ZCCHC17: variants seen among roughly 807,000 people sequenced by gnomAD.
The protein encoded by ZCCHC17 is zinc finger CCHC domain-containing protein 17.
In ZCCHC17, 18 loss-of-function variants were observed where a neutral mutation model predicts 30.6. That is an observed-to-expected ratio of 0.59 (90% CI 0.41 to 0.87). The LOEUF is 0.87. Among genes scored for constraint, ZCCHC17 ranks in the 40% least tolerant of loss-of-function variants. ZCCHC17 has a pLI of 0.00. For synonymous variants in ZCCHC17, 88 were observed against 92.4 expected (o/e 0.95, Z 0.27); for missense variants, 263 against 284.2 (o/e 0.93, Z 0.54).
chr1:31,313,068 C>CTTTTTTT (rs59004055), intron 2 of ZCCHC17, among the ~76,000 whole-genome samples: 8 of 113,488 alleles, frequency 7.0e-5, no homozygotes, highest in African/African-American at 1.0e-4. Context: ...CACTGGGCCT[C>CTTTTTTT]TTTTTTTTTT....
intron 7 of ZCCHC17, among the ~76,000 whole-genome samples, chr1:31,360,767 T>C (rs371636199): frequency 5.9e-5 from 9 of 152,224 alleles, no homozygotes; most frequent in African/African-American, 1.9e-4. Flanking sequence ...TTATAAAGTA[T>C]AGTGGTTTTG....
At chr1:31,319,270 ATTCCT>A in intron 3 of ZCCHC17, 104 bp downstream of exon 3, 1 of 976,498 alleles carries the variant, frequency 1.0e-6, no homozygotes, top group Non-Finnish European at 1.5e-6. Flanking sequence ...GTAGTTTTTC[ATTCCT>A]TTGTTTTCTT....
At chr1:31,356,121 AAC>A (rs1001866331) in intron 7 of ZCCHC17, among the ~76,000 whole-genome samples, 4 of 152,258 alleles carry the variant, frequency 2.6e-5, no homozygotes, top group African/African-American at 9.6e-5. Context: ...ATGCATTTCT[AAC>A]AGTTAAAAAA....
intron 3 of ZCCHC17, among the ~76,000 whole-genome samples, chr1:31,331,831 C>T (rs533307494): frequency 1.3e-5 from 2 of 151,362 alleles, no homozygotes; most frequent in African/African-American, 2.4e-5. Context: ...AGGATGCTCT[C>T]GATCTCTTGA....
At chr1:31,328,605 C>T (rs1351662635) in intron 3 of ZCCHC17, among the ~76,000 whole-genome samples, 3 of 152,058 alleles carry the variant, frequency 2.0e-5, no homozygotes, top group African/African-American at 4.8e-5. Flanking sequence ...TATTCTTTGC[C>T]AGTTTATTAT....
intron 1 of ZCCHC17, among the ~76,000 whole-genome samples, chr1:31,298,553 T>G (rs1291273274): frequency 6.6e-6 from 1 of 152,024 alleles, no homozygotes; most frequent in East Asian, 1.9e-4. Flanking sequence ...CCCGGCCAAT[T>G]TTTGTATTTT....
intron 1 of ZCCHC17, among the ~76,000 whole-genome samples, chr1:31,299,017 A>T (rs192654957): frequency 7.6e-4 from 116 of 152,330 alleles, no homozygotes; most frequent in African/African-American, 2.7e-3. Flanking sequence ...ATTGAAAAAC[A>T]TATTTTGGCT....
chr1:31,359,643 A>G lies in ZCCHC17; in HGVS notation c.565-4389A>G, dbSNP rs192076084. Among the ~76,000 whole-genome samples, 9 of 152,232 alleles carry G rather than the reference A, an allele frequency of 5.9e-5. No individual in the cohort carries two copies. In the East Asian group the frequency reaches 1.7e-3, roughly 29 times the overall value. On this transcript the variant is annotated intron_variant, in intron 7 of 7. Coordinates refer to ENST00000344147, the MANE Select transcript of ZCCHC17 (RefSeq NM_016505.4). ...TTTTCTGTCACACTGGGCTGCTGCT[A>G]TCCTGTTTCAGAACTATAGTGAAAA...
At chr1:31,320,804 T>G (rs1270917950) in intron 3 of ZCCHC17, among the ~76,000 whole-genome samples, 1 of 152,126 alleles carries the variant, frequency 6.6e-6, no homozygotes, top group Non-Finnish European at 1.5e-5. Flanking sequence ...TACCTGTGAG[T>G]GGAAATACTG....
chr1:31,335,524 C>A (rs10914356), intron 3 of ZCCHC17, among the ~76,000 whole-genome samples: 7 of 152,058 alleles, frequency 4.6e-5, no homozygotes, highest in African/African-American at 1.7e-4. Flanking sequence ...TACAAGCATG[C>A]ACCACCACAT....
At chr1:31,351,850 C>T (rs1639480942) in intron 7 of ZCCHC17, among the ~76,000 whole-genome samples, 1 of 152,190 alleles carries the variant, frequency 6.6e-6, no homozygotes, top group Non-Finnish European at 1.5e-5. Flanking sequence ...CCAAGGGAAT[C>T]TCATCCTGTC....
chr1:31,352,986 T>C (rs1639521316), intron 7 of ZCCHC17, among the ~76,000 whole-genome samples: 1 of 152,232 alleles, frequency 6.6e-6, no homozygotes, highest in African/African-American at 2.4e-5. Flanking sequence ...CCATCAATAA[T>C]GCACAAGGGT....
chr1:31,303,074 C>A (rs1646357717), intron 1 of ZCCHC17, among the ~76,000 whole-genome samples: 1 of 151,028 alleles, frequency 6.6e-6, no homozygotes, highest in South Asian at 2.1e-4. Context: ...GCCAGGAGTT[C>A]AAGACCAGAC....
intron 1 of ZCCHC17, chr1:31,297,335 G>C (rs1646188689): frequency 2.5e-6 from 1 of 395,190 alleles, no homozygotes; most frequent in Admixed American, 4.4e-5. Context: ...CCTGTGCCGG[G>C]CATTCCCAGG....
rs36008834 is a variant in ZCCHC17 at position 31,339,960 on chromosome 1, C to CTTTTTTTTTTTTTTTTTT, written c.317+919_317+936dup. On this transcript the variant is annotated intron_variant, in intron 5 of 7. Coordinates refer to ENST00000344147, the MANE Select transcript of ZCCHC17 (RefSeq NM_016505.4). ...TCTGTCTCAAGTCTTTCTTGGATTTCTTTTTTTTTTTTTTTTTTTTTTTTG... is the reference window on the plus strand; with the variant it reads ...TCTGTCTCAAGTCTTTCTTGGATTTCTTTTTTTTTTTTTTTTTTTTTTTTTTTTTTTTTTTTTTTTTTG... Among the ~76,000 whole-genome samples, 16 of 90,416 alleles carry CTTTTTTTTTTTTTTTTTT rather than the reference C, an allele frequency of 1.8e-4. 1 individual carries two copies. The highest frequency in any genetic ancestry group is 2.8e-4 in the Admixed American group (2 of 7,104). 59.3% of individuals were successfully genotyped at this position (90,416 alleles called of 152,430 possible).
intron 3 of ZCCHC17, among the ~76,000 whole-genome samples, chr1:31,336,549 T>A (rs1426020296): frequency 6.6e-6 from 1 of 152,222 alleles, no homozygotes; most frequent in Non-Finnish European, 1.5e-5. Flanking sequence ...AAAATAGAGA[T>A]GGGGTCTCGT....
At chr1:31,307,523 C>A (rs1326943474) in intron 1 of ZCCHC17, among the ~76,000 whole-genome samples, 1 of 151,464 alleles carries the variant, frequency 6.6e-6, no homozygotes, top group African/African-American at 2.4e-5. Flanking sequence ...GATTCTCCTG[C>A]CTCCAGAGTA....
intron 1 of ZCCHC17, among the ~76,000 whole-genome samples, chr1:31,297,753 C>G (rs915917962): frequency 8.5e-5 from 13 of 152,186 alleles, no homozygotes; most frequent in Admixed American, 7.9e-4. Context: ...GGAAAAGATG[C>G]CTGCGCTGGT....
At chr1:31,307,979 C>T (rs1459709017) in intron 1 of ZCCHC17, among the ~76,000 whole-genome samples, 3 of 152,150 alleles carry the variant, frequency 2.0e-5, no homozygotes, top group East Asian at 1.9e-4. Flanking sequence ...CTCACTAATA[C>T]GTTTCAAGTG....
Sources: gnomAD v4.1 joint callset for allele counts (sites outside exome capture counted in the v4.1 genomes callset) on GRCh38, gnomAD v4.1.1 for gene constraint, MANE v1.5 for transcripts, NCBI Gene and HGNC (gene_info 2026-07-23, HGNC 2026-07-21) for gene names.